Variants in COL22A1 observed in about 807,000 individuals in gnomAD.
The protein encoded by COL22A1 is collagen type XXII alpha 1 chain.
A neutral mutation model predicts 248.9 loss-of-function variants in COL22A1; 221 were observed. The observed-to-expected ratio is 0.89, with a 90% CI of 0.80 to 0.99. COL22A1 has a LOEUF of 0.99. Among genes scored for constraint, COL22A1 ranks in the 50% least tolerant of loss-of-function variants. The pLI is 0.00. For missense variants in COL22A1, 2,240 were observed against 2,179.0 expected, an observed-to-expected ratio of 1.03 and a Z score of -0.56; for synonymous variants, 891 against 793.4, an observed-to-expected ratio of 1.12 and a Z score of -2.07.
rs144653941 is a variant in COL22A1 at position 138,716,838 on chromosome 8, C to A, written c.2387G>T (p.Arg796Leu). Residue 796 changes from arginine (R) to leucine (L), a missense_variant, in exon 28 of 65, where the codon CGA (arginine) becomes CTA (leucine). Arg to Leu is a moderately radical substitution (Grantham distance 102, BLOSUM62 -2). Coordinates refer to ENST00000303045, the MANE Select transcript of COL22A1 (RefSeq NM_152888.3). The stretch of plus-strand genomic sequence containing the variant: ...AAACAAACAGACCTTCTCTCCAGGT[C>A]GGCCTGCCAGGCCCTGCTCCCCAAT... The part of the protein sequence containing the change: ...GEIGEQGLAG[R>L]PGEKGEAGLP... 1.6e-5 allele frequency: 26 copies of A among 1,610,948 alleles called. No homozygotes were observed. The highest frequency in any genetic ancestry group is 2.1e-5 in the Non-Finnish European group (25 of 1,177,156).
chr8:138,907,061 G>C (rs1490067765), intron 1 of COL22A1, among the ~76,000 whole-genome samples: 2 of 152,248 alleles, frequency 1.3e-5, no homozygotes, highest in African/African-American at 4.8e-5. Flanking sequence ...GAGGTGAGGT[G>C]TGTACCAGGG....
intron 25 of COL22A1, among the ~76,000 whole-genome samples, chr8:138,722,696 C>G (rs1829964180): frequency 6.6e-6 from 1 of 152,144 alleles, no homozygotes; most frequent in African/African-American, 2.4e-5. Context: ...GACGAAGGCT[C>G]TGCAGGCTGA....
chr8:138,699,338 C>T (rs1053350051), intron 32 of COL22A1, among the ~76,000 whole-genome samples: 2 of 152,182 alleles, frequency 1.3e-5, no homozygotes, highest in Admixed American at 6.5e-5. Context: ...AAAATGGAAT[C>T]GACTTAATAT....
intron 10 of COL22A1, among the ~76,000 whole-genome samples, chr8:138,805,179 GGT>G (rs375740091): frequency 3.4e-4 from 47 of 137,556 alleles, no homozygotes; most frequent in East Asian, 8.9e-4. Flanking sequence ...GTGTGTGTGT[GGT>G]GTGTGTGTGT....
At position 138,715,679 on chromosome 8, in the gene COL22A1, T is replaced by C. The variant is rs1563657299; in HGVS notation, c.2517+3A>G. The stretch of plus-strand genomic sequence containing the variant: ...GGTCAGAATGAGAGCAAGTTTCTCC[T>C]ACCTTTTCACCTCGGTCACCTTTCA... On this transcript the variant is annotated splice_donor_region_variant and intron_variant, in intron 30 of 64. Coordinates refer to ENST00000303045, the MANE Select transcript of COL22A1 (RefSeq NM_152888.3). 1 of 1,608,880 alleles carries C rather than the reference T, an allele frequency of 6.2e-7. No homozygotes were observed. The highest frequency in any genetic ancestry group is 1.3e-5 in the African/African-American group (1 of 74,624).
At position 138,779,559 on chromosome 8, in the gene COL22A1, C is replaced by G. The variant is rs749224371; in HGVS notation, c.1654G>C (p.Glu552Gln). Reference protein sequence around the residue: ...GRDGSKGMRGEPGELGEPGLP... With the variant: ...GRDGSKGMRGQPGELGEPGLP... ...CCCGGCTCTCCCAGCTCTCCTGGCT[C>G]CCCCTGAACAAACAAAACAACACAA... Residue 552 changes from glutamate to glutamine, a missense_variant, in exon 14 of 65, where the codon GAG (glutamate) becomes CAG (glutamine). Physicochemically the swap from Glu to Gln is conservative, Grantham distance 29. Coordinates refer to ENST00000303045, the MANE Select transcript of COL22A1 (RefSeq NM_152888.3). 1 of 1,612,108 alleles carries G rather than the reference C, an allele frequency of 6.2e-7. No individual in the cohort carries two copies. Among genetic ancestry groups the G allele is most frequent in the Non-Finnish European group, 8.5e-7 (1 of 1,178,204 alleles).
rs769644524 is a variant in COL22A1 at position 138,663,758 on chromosome 8, A to G, written c.3151-18T>C. ...GAAGGGCCCTAGAAACAAACAAACAAGTATGTAAGCAAAGTAGAAATGGCA... is the reference window on the plus strand; with the variant it reads ...GAAGGGCCCTAGAAACAAACAAACAGGTATGTAAGCAAAGTAGAAATGGCA... On this transcript the variant is annotated intron_variant, in intron 41 of 64. Transcript: ENST00000303045. The G allele has an allele frequency of 1.3e-6, 2 of 1,600,006 alleles. No homozygotes were observed. The highest frequency in any genetic ancestry group is 1.3e-5 in the African/African-American group (1 of 74,574).
At chr8:138,734,951 G>A (rs1830995195) in intron 23 of COL22A1, among the ~76,000 whole-genome samples, 1 of 152,292 alleles carries the variant, frequency 6.6e-6, no homozygotes, top group East Asian at 1.9e-4. Flanking sequence ...TCACTCATAA[G>A]TGGGAGTTGA....
chr8:138,623,727 T>C lies in COL22A1; in HGVS notation c.3771+5A>G. On this transcript the variant is annotated splice_donor_5th_base_variant and intron_variant, in intron 52 of 64. Transcript: ENST00000303045. ...TGATATAATAGGAAGTTTAGAGTCC[T>C]TTACCGGCTCTCCAGGGGGACCCGG... The C allele has an allele frequency of 6.2e-7, 1 of 1,610,950 alleles. No individual in the cohort carries two copies. The highest frequency in any genetic ancestry group is 8.5e-7 in the Non-Finnish European group (1 of 1,178,796).
intron 1 of COL22A1, among the ~76,000 whole-genome samples, chr8:138,911,744 A>C (rs1237714593): frequency 1.3e-5 from 2 of 152,214 alleles, no homozygotes; most frequent in Non-Finnish European, 2.9e-5. Flanking sequence ...CATTTACTTA[A>C]TCATTTTGTA....
At chr8:138,764,333 A>G (rs528700994) in intron 16 of COL22A1, among the ~76,000 whole-genome samples, 1 of 152,262 alleles carries the variant, frequency 6.6e-6, no homozygotes, top group South Asian at 2.1e-4. Flanking sequence ...CTACCTGCGG[A>G]GTGGGTCTCT....
Position 138,616,903 on chromosome 8 carries a change from C to T in COL22A1, c.3870+11G>A, listed in dbSNP as rs375096581. Reference sequence around the variant, plus strand: ...ACCTGGGGGGACCTCCAAAGTGAGGCGCCCACTTACCCGGGGACCGGGTGC... The same window carrying T: ...ACCTGGGGGGACCTCCAAAGTGAGGTGCCCACTTACCCGGGGACCGGGTGC... On this transcript the variant is annotated intron_variant, in intron 54 of 64. Coordinates refer to ENST00000303045, the MANE Select transcript of COL22A1 (RefSeq NM_152888.3). 4.5e-5 allele frequency: 73 copies of T among 1,613,868 alleles called. No homozygotes were observed. The highest frequency in any genetic ancestry group is 1.1e-4 in the East Asian group (5 of 44,882).
At chr8:138,790,479 C>G (rs1815937338) in intron 12 of COL22A1, among the ~76,000 whole-genome samples, 1 of 152,208 alleles carries the variant, frequency 6.6e-6, no homozygotes, top group Non-Finnish European at 1.5e-5. Flanking sequence ...TTGGTCAACA[C>G]TCTGGGAGAG....
intron 1 of COL22A1, among the ~76,000 whole-genome samples, chr8:138,888,368 G>T (rs1448438126): frequency 1.3e-5 from 2 of 152,154 alleles, no homozygotes; most frequent in Admixed American, 1.3e-4. Context: ...TTCCTTCCAA[G>T]GTGAGTTTGG....
chr8:138,782,687 A>T (rs1307208065), intron 12 of COL22A1, among the ~76,000 whole-genome samples: 2 of 152,178 alleles, frequency 1.3e-5, no homozygotes, highest in Non-Finnish European at 2.9e-5. Flanking sequence ...TGAAGTGTGG[A>T]TATTGTTACC....
chr8:138,591,285 T>G, intron 64 of COL22A1, 139 bp downstream of exon 64: 1 of 437,770 alleles, frequency 2.3e-6, no homozygotes, highest in Admixed American at 4.4e-5. Flanking sequence ...ACCAAGTGAG[T>G]GATCTCTGTC....
chr8:138,746,594 C>T (rs1190109168), intron 22 of COL22A1, among the ~76,000 whole-genome samples: 1 of 152,162 alleles, frequency 6.6e-6, no homozygotes, highest in Non-Finnish European at 1.5e-5. Context: ...GGCCATGGGG[C>T]CCCCAAAACC....
intron 23 of COL22A1, among the ~76,000 whole-genome samples, chr8:138,728,474 C>T (rs73719097): frequency 0.059 from 8,979 of 152,000 alleles, 286 homozygotes; most frequent in African/African-American, 0.087. Context: ...CTAAGGATGC[C>T]GATGACCTCT....
At chr8:138,805,563 TATG>T (rs1290194927) in intron 10 of COL22A1, among the ~76,000 whole-genome samples, 1 of 126,480 alleles carries the variant, frequency 7.9e-6, no homozygotes, top group South Asian at 2.7e-4. Flanking sequence ...GATGGTGTGT[TATG>T]GTGTGTGTCT....
Sources: gnomAD v4.1 joint callset for allele counts (sites outside exome capture counted in the v4.1 genomes callset) on GRCh38, gnomAD v4.1.1 for gene constraint, MANE v1.5 for transcripts, NCBI Gene and HGNC (gene_info 2026-07-23, HGNC 2026-07-21) for gene names.